KMT2E: variants seen among roughly 807,000 people sequenced by gnomAD.
KMT2E encodes the protein lysine methyltransferase 2E (inactive).
In KMT2E, 30 loss-of-function variants were observed where a neutral mutation model predicts 184.6. The ratio of observed to expected loss-of-function variants is 0.16; its 90% CI spans 0.12 to 0.22. KMT2E has a LOEUF of 0.22. Among genes scored for constraint, KMT2E ranks in the 10% least tolerant of loss-of-function variants. The pLI is 1.00. For synonymous variants in KMT2E, 815 were observed against 776.5 expected (o/e 1.05, Z -0.82); for missense variants, 2,023 against 2,237.4 (o/e 0.90, Z 1.93).
intron 3 of KMT2E, among the ~76,000 whole-genome samples, chr7:105,058,532 C>T (rs1476671657): frequency 6.6e-6 from 1 of 152,180 alleles, no homozygotes; most frequent in Non-Finnish European, 1.5e-5. Context: ...AAGCAGTCAG[C>T]ACCTAAGTAT....
chr7:105,046,033 C>T, intron 3 of KMT2E, among the ~76,000 whole-genome samples: 1 of 152,140 alleles, frequency 6.6e-6, no homozygotes, highest in Non-Finnish European at 1.5e-5. Context: ...TTTGCATGCT[C>T]ATGACTTCCA....
chr7:105,051,621 T>C lies in KMT2E; in HGVS notation c.72-10543T>C, dbSNP rs140782007. Among the ~76,000 whole-genome samples, 114 of 149,530 alleles carry C rather than the reference T, an allele frequency of 7.6e-4. 1 individual carries two copies. The highest frequency in any genetic ancestry group is 2.7e-3 in the African/African-American group (104 of 39,082). Reference sequence around the variant, plus strand: ...TGGGTCCTCCTTCAAAGTATATTTTTGTTTTGTTTTGTTTTGAAATGGAGT... The same window carrying C: ...TGGGTCCTCCTTCAAAGTATATTTTCGTTTTGTTTTGTTTTGAAATGGAGT... On this transcript the variant is annotated intron_variant, in intron 3 of 26. Coordinates refer to ENST00000311117, the MANE Select transcript of KMT2E (RefSeq NM_182931.3).
intron 15 of KMT2E, among the ~76,000 whole-genome samples, chr7:105,100,049 C>T (rs1798588480): frequency 6.6e-6 from 1 of 152,098 alleles, no homozygotes; most frequent in African/African-American, 2.4e-5. Flanking sequence ...CAAGTAGAAC[C>T]ATCTTTTGCA....
chr7:105,080,627 T>G (rs1797725166), intron 12 of KMT2E, among the ~76,000 whole-genome samples: 1 of 152,248 alleles, frequency 6.6e-6, no homozygotes, highest in South Asian at 2.1e-4. Context: ...AAAGGTGATA[T>G]GAAGACTGAA....
Position 105,061,667 on chromosome 7 carries a change from A to C in KMT2E, c.72-497A>C, listed in dbSNP as rs118161591. ...TTTTTTCAGGTATAAATCCTGGTTT[A>C]TTTTGAAACTTCCTATTACTTAAGT... is the stretch of plus-strand genomic sequence containing the variant. On this transcript the variant is annotated intron_variant, in intron 3 of 26. Transcript: ENST00000311117. 3.0e-3 allele frequency among the ~76,000 whole-genome samples: 456 copies of C among 152,196 alleles called. 15 individuals are homozygous for C. In the East Asian group the frequency reaches 0.062, roughly 21 times the overall value.
intron 9 of KMT2E, among the ~76,000 whole-genome samples, 182 bp from the exon 10 acceptor site, chr7:105,076,781 G>T (rs1797542151): frequency 6.6e-6 from 1 of 151,748 alleles, no homozygotes; most frequent in Admixed American, 6.6e-5. Context: ...TTGTCCCTGT[G>T]GTATTTATTA....
intron 1 of KMT2E, among the ~76,000 whole-genome samples, chr7:105,018,874 T>G (rs1475561579): frequency 6.6e-6 from 1 of 152,162 alleles, no homozygotes; most frequent in Non-Finnish European, 1.5e-5. Flanking sequence ...AATTGTTTTC[T>G]ACACTAAACT....
Position 105,040,142 on chromosome 7 carries a change from T to G in KMT2E, c.-114-697T>G, listed in dbSNP as rs547166564. Among the ~76,000 whole-genome samples the G allele has an allele frequency of 1.8e-3, 270 of 152,268 alleles. 2 individuals carry two copies. The highest frequency in any genetic ancestry group is 5.9e-3 in the African/African-American group (246 of 41,562). ...CTGTTATAGAAAATGACAACTACTG[T>G]ACAGTAATCAAATTTTTACAAATAA... On this transcript the variant is annotated intron_variant, in intron 2 of 26. Transcript: ENST00000311117.
chr7:105,076,926 G>GTCCC, intron 9 of KMT2E, 37 bp from the exon 10 acceptor site: 1 of 1,048,314 alleles, frequency 9.5e-7, no homozygotes, highest in East Asian at 2.5e-5. Flanking sequence ...GTGTAAGTCC[G>GTCCC]TAAGTCCAGA....
intron 15 of KMT2E, among the ~76,000 whole-genome samples, chr7:105,100,436 A>G (rs956243224): frequency 2.0e-5 from 3 of 152,152 alleles, no homozygotes; most frequent in African/African-American, 4.8e-5. Flanking sequence ...ATGTGTAATA[A>G]AGGAGGAAAG....
chr7:105,079,648 C>G (rs1363458014), intron 12 of KMT2E, among the ~76,000 whole-genome samples: 1 of 144,392 alleles, frequency 6.9e-6, no homozygotes, highest in Non-Finnish European at 1.5e-5. Context: ...TCTCAGCTTT[C>G]TGAGTAGGTG....
At position 105,063,419 on chromosome 7, in the gene KMT2E, C is replaced by T. The variant is rs766611124; in HGVS notation, c.255C>T (p.Ser85=). The T allele has an allele frequency of 6.2e-7, 1 of 1,613,546 alleles. No individual in the cohort carries two copies. The highest frequency in any genetic ancestry group is 1.7e-5 in the Admixed American group (1 of 59,916). ...PASPPPSVLI[S]KNEVGIFTTP... ...CCCCTCCTCCATCAGTCCTTATTAG[C>T]AAAAATGAAGTAGGCATATTTACCA... Residue 85 remains serine, a synonymous_variant, in exon 5 of 27, where the codon AGC becomes AGT. Transcript: ENST00000311117.
At chr7:105,067,080 A>AAG (rs1554391158) in intron 6 of KMT2E, among the ~76,000 whole-genome samples, 1 of 149,050 alleles carries the variant, frequency 6.7e-6, no homozygotes, top group African/African-American at 2.5e-5. Flanking sequence ...AAAAAAAAAA[A>AAG]AAAAGAAAAA....
intron 3 of KMT2E, among the ~76,000 whole-genome samples, chr7:105,045,258 C>G (rs964166177): frequency 2.0e-5 from 3 of 152,236 alleles, no homozygotes; most frequent in Non-Finnish European, 4.4e-5. Context: ...TATTGACTCT[C>G]TTTACCTTTG....
rs529207300 is a variant in KMT2E at position 105,018,628 on chromosome 7, A to G, written c.-189+4093A>G. On this transcript the variant is annotated intron_variant, in intron 1 of 26. Coordinates refer to ENST00000311117, the MANE Select transcript of KMT2E (RefSeq NM_182931.3). ...ATTGAAAATATAATTATTTTATGGT[A>G]AAATTAATTTTTATGTTGACTGGCA... Among the ~76,000 whole-genome samples, 15 of 152,270 alleles carry G rather than the reference A, an allele frequency of 9.9e-5. No individual in the cohort carries two copies. The East Asian group carries it at 2.9e-3, about 29-fold the overall frequency.
chr7:105,087,093 AAT>A (rs1232718651), intron 13 of KMT2E, among the ~76,000 whole-genome samples: 2 of 147,194 alleles, frequency 1.4e-5, no homozygotes, highest in African/African-American at 5.0e-5. Context: ...TAGCGTATGT[AAT>A]ATACATTATA....
intron 13 of KMT2E, among the ~76,000 whole-genome samples, chr7:105,088,008 C>G (rs1372604880): frequency 6.6e-6 from 1 of 151,688 alleles, no homozygotes; most frequent in East Asian, 1.9e-4. Context: ...TTTAGTATCC[C>G]TTTCTACTGA....
intron 15 of KMT2E, among the ~76,000 whole-genome samples, chr7:105,093,033 A>G (rs1219804090): frequency 1.3e-5 from 2 of 152,138 alleles, no homozygotes; most frequent in Admixed American, 6.5e-5. Flanking sequence ...CATCTGTACA[A>G]AAAATTTAAA....
intron 16 of KMT2E, 62 bp downstream of exon 16, chr7:105,101,651 CATTA>C (rs1377156272): frequency 2.2e-5 from 29 of 1,297,162 alleles, no homozygotes; most frequent in African/African-American, 3.1e-5. Context: ...TCTATACTTG[CATTA>C]ATTACTTATA....
Sources: allele counts gnomAD v4.1 joint callset (sites outside exome capture counted in the v4.1 genomes callset), GRCh38; gene constraint gnomAD v4.1.1; transcripts MANE v1.5; gene names NCBI Gene and HGNC (gene_info 2026-07-23, HGNC 2026-07-21).